Variants in TRIM49 observed in about 807,000 individuals in gnomAD.
TRIM49 encodes tripartite motif-containing protein 49.
In TRIM49, 5 loss-of-function variants were observed where a neutral mutation model predicts 27.4. The observed-to-expected ratio is 0.18, with a 90% CI of 0.10 to 0.38. The LOEUF (loss-of-function observed/expected upper bound fraction) is 0.38. TRIM49 is among the 10% of genes least tolerant of loss of function. The probability of loss-of-function intolerance (pLI) is 1.00; values close to 1 mark genes in which losing one functional copy is unlikely to be tolerated. For missense variants in TRIM49, 188 were observed against 487.5 expected, an observed-to-expected ratio of 0.39 and a Z score of 5.79; for synonymous variants, 69 against 166.0, an observed-to-expected ratio of 0.42 and a Z score of 4.49.
At chr11:89,778,269 AC>A in the TRIM49 span, among the ~76,000 whole-genome samples, 1 of 152,094 alleles carries the variant, frequency 6.6e-6, no homozygotes, top group Non-Finnish European at 1.5e-5. Flanking sequence ...CTTTTCAGAC[AC>A]TGCAGATGAG....
the TRIM49 span, among the ~76,000 whole-genome samples, chr11:89,770,378 A>T: frequency 1.4e-4 from 19 of 134,540 alleles, no homozygotes; most frequent in Non-Finnish European, 6.1e-5. Flanking sequence ...ATAATAGACA[A>T]TGGGGGCAAA....
the TRIM49 span, among the ~76,000 whole-genome samples, chr11:89,770,979 T>A: frequency 8.6e-6 from 1 of 115,928 alleles, no homozygotes; most frequent in Non-Finnish European, 1.7e-5. Flanking sequence ...CTATCAATTT[T>A]TTTTTTCTTT....
chr11:89,799,907 G>A, intron 6 of TRIM49, 94 bp from the exon 7 acceptor site: 1 of 1,527,462 alleles, frequency 6.5e-7, no homozygotes, highest in Non-Finnish European at 8.9e-7. Context: ...AGAATCCTTT[G>A]AATCTACACA....
chr11:89,774,352 T>C, the TRIM49 span, among the ~76,000 whole-genome samples: 1 of 151,060 alleles, frequency 6.6e-6, no homozygotes, highest in Non-Finnish European at 1.5e-5. Flanking sequence ...CTTTCTTGCG[T>C]CTCATTCCAA....
the TRIM49 span, among the ~76,000 whole-genome samples, chr11:89,768,450 C>T: frequency 8.2e-5 from 11 of 134,108 alleles, 3 homozygotes; most frequent in Admixed American, 1.4e-4. Context: ...CTCTTCACTC[C>T]GTTTCTAACC....
At chr11:89,804,910 G>A (rs1158337123) in intron 2 of TRIM49, among the ~76,000 whole-genome samples, 1 of 150,624 alleles carries the variant, frequency 6.6e-6, no homozygotes, top group Non-Finnish European at 1.5e-5. Context: ...ATGAGAAGAT[G>A]GTTCTATGAC....
At chr11:89,803,136 A>AT (rs1330885517) in intron 4 of TRIM49, among the ~76,000 whole-genome samples, 3 of 147,928 alleles carry the variant, frequency 2.0e-5, no homozygotes, top group Non-Finnish European at 4.5e-5. Flanking sequence ...GCATGTTTAC[A>AT]TGTCTCCCTC....
At chr11:89,768,115 A>C in the TRIM49 span, 11 of 807,266 alleles carry the variant, frequency 1.4e-5, 1 homozygote, top group East Asian at 2.9e-4. Context: ...AAATCGTTAC[A>C]CTGGGAAGGC....
At chr11:89,767,730 T>A in the TRIM49 span, among the ~76,000 whole-genome samples, 14 of 132,898 alleles carry the variant, frequency 1.1e-4, 2 homozygotes, top group African/African-American at 3.0e-4. Context: ...TTATATAAGT[T>A]ACTCATGTAT....
chr11:89,772,062 A>C, the TRIM49 span, among the ~76,000 whole-genome samples: 9 of 129,130 alleles, frequency 7.0e-5, no homozygotes, highest in Admixed American at 6.5e-4. Flanking sequence ...AGCAAGACCA[A>C]CCCCTCCTCT....
At chr11:89,766,544 G>A in the TRIM49 span, 2 of 590,202 alleles carry the variant, frequency 3.4e-6, no homozygotes, top group East Asian at 6.6e-5. Flanking sequence ...TGAAGGGCTG[G>A]CTCCCCTGTA....
chr11:89,791,682 C>A, the TRIM49 span, among the ~76,000 whole-genome samples: 2 of 151,988 alleles, frequency 1.3e-5, no homozygotes, highest in African/African-American at 2.4e-5. Context: ...CCTGTATAGA[C>A]AAGCAAATGC....
chr11:89,769,745 C>T, the TRIM49 span, among the ~76,000 whole-genome samples: 1 of 113,710 alleles, frequency 8.8e-6, no homozygotes, highest in Non-Finnish European at 1.7e-5. Context: ...TCTGACTCCT[C>T]TTGGATCCAG....
the TRIM49 span, among the ~76,000 whole-genome samples, chr11:89,778,170 A>G: frequency 3.3e-5 from 5 of 152,032 alleles, no homozygotes; most frequent in African/African-American, 9.7e-5. Context: ...CAAACAGAGA[A>G]GCCCACACAA....
At position 89,803,779 on chromosome 11, in the gene TRIM49, C is replaced by T. The variant is rs906533343; in HGVS notation, c.426G>A (p.Gln142=). The T allele has an allele frequency of 3.6e-6, 5 of 1,379,174 alleles. No individual in the cohort carries two copies. The highest frequency in any genetic ancestry group is 3.9e-6 in the Non-Finnish European group (4 of 1,020,624). The allele number at this position is 1,379,174 out of a possible 1,614,324, so 85.4% of individuals were successfully genotyped here. ...CTTTTTCCCACAAAGACTGCATTTT[C>T]TGTAAAAGCTTCTCCTGCAAAAGAG... ...AAEEHREKLL[Q]KMQSLWEKAC... Residue 142 remains glutamine (Q), a synonymous_variant, in exon 4 of 8, where the codon CAG becomes CAA. Coordinates refer to ENST00000329758, the MANE Select transcript of TRIM49 (RefSeq NM_020358.2).
At chr11:89,800,572 T>C (rs1949726972) in intron 6 of TRIM49, among the ~76,000 whole-genome samples, 1 of 150,574 alleles carries the variant, frequency 6.6e-6, no homozygotes, top group Non-Finnish European at 1.5e-5. Context: ...TGAAACCCAG[T>C]CTCTACTAAA....
chr11:89,790,974 C>A, the TRIM49 span, among the ~76,000 whole-genome samples: 2 of 151,694 alleles, frequency 1.3e-5, no homozygotes, highest in African/African-American at 2.4e-5. Flanking sequence ...AAGTTCGAAT[C>A]CATTGCAAAG....
At chr11:89,770,962 C>T in the TRIM49 span, among the ~76,000 whole-genome samples, 1 of 121,558 alleles carries the variant, frequency 8.2e-6, no homozygotes, top group African/African-American at 3.6e-5. Context: ...TATCACAATG[C>T]GTCACTCTAT....
chr11:89,801,100 T>C, intron 5 of TRIM49, 112 bp from the exon 6 acceptor site: 2 of 1,476,688 alleles, frequency 1.4e-6, no homozygotes, highest in Non-Finnish European at 1.8e-6. Flanking sequence ...CCCTACCATC[T>C]TCTCTTCTGG....
Sources: gnomAD v4.1 joint callset for allele counts (sites outside exome capture counted in the v4.1 genomes callset) on GRCh38, gnomAD v4.1.1 for gene constraint, MANE v1.5 for transcripts, NCBI Gene and HGNC (gene_info 2026-07-23, HGNC 2026-07-21) for gene names.